MKRN2: variants seen among roughly 807,000 people sequenced by gnomAD.
MKRN2 encodes the protein E3 ubiquitin-protein ligase makorin-2.
In MKRN2, 32 loss-of-function variants were observed where a neutral mutation model predicts 45.4. The ratio of observed to expected loss-of-function variants is 0.70; its 90% confidence interval spans 0.53 to 0.95. MKRN2 has a LOEUF of 0.95. Among genes scored for constraint, MKRN2 ranks in the 40% least tolerant of loss-of-function variants. The pLI is 0.00. For synonymous variants in MKRN2, 206 were observed against 192.4 expected, an observed-to-expected ratio of 1.07 and a Z score of -0.59; for missense variants, 526 against 536.7, an observed-to-expected ratio of 0.98 and a Z score of 0.20.
chr3:12,572,788 T>A (rs931775007), intron 4 of MKRN2, among the ~76,000 whole-genome samples: 6 of 152,118 alleles, frequency 3.9e-5, no homozygotes, highest in Admixed American at 3.9e-4. Context: ...TTTCACCACG[T>A]TGGCCAGGCT....
chr3:12,581,926 C>A lies in MKRN2; in HGVS notation c.1087C>A (p.Gln363Lys), dbSNP rs2058182662. ...AGCAGAGCCTGAGAAACCTCGGAAA[C>A]AGCTCAGTTCTCAAGGCACTGTGAG... The part of the protein sequence containing the change: ...RLAEPEKPRK[Q>K]LSSQGTVRFF... Residue 363 changes from glutamine (Q) to lysine (K), a missense_variant, in exon 7 of 8, where the codon CAG becomes AAG. By Grantham distance (53) the Gln-to-Lys change is moderately conservative. Transcript: ENST00000170447. 6.2e-7 allele frequency: 1 copy of A among 1,614,058 alleles called. No individual in the cohort carries two copies. Among genetic ancestry groups the A allele is most frequent in the Admixed American group, 1.7e-5 (1 of 60,010 alleles).
chr3:12,575,539 G>A (rs765544056), intron 5 of MKRN2, among the ~76,000 whole-genome samples: 3 of 152,112 alleles, frequency 2.0e-5, no homozygotes, highest in Non-Finnish European at 4.4e-5. Context: ...TACTGCACGC[G>A]TTCTACTGTT....
chr3:12,557,235 G>A, intron 1 of MKRN2, 59 bp downstream of exon 1: 1 of 1,515,032 alleles, frequency 6.6e-7, no homozygotes, highest in South Asian at 1.2e-5. Flanking sequence ...GGGGGCCGGT[G>A]CGCGCCAGTG....
At chr3:12,579,428 A>G (rs1273455197) in intron 6 of MKRN2, among the ~76,000 whole-genome samples, 1 of 152,138 alleles carries the variant, frequency 6.6e-6, no homozygotes, top group Non-Finnish European at 1.5e-5. Context: ...CAGCTTCCCA[A>G]AGTGCTAGGA....
chr3:12,562,588 T>C (rs546625743), intron 1 of MKRN2, among the ~76,000 whole-genome samples: 18 of 152,254 alleles, frequency 1.2e-4, no homozygotes, highest in Admixed American at 2.6e-4. Context: ...GTCTATGGCC[T>C]TTTAGGAACC....
Position 12,574,810 on chromosome 3 carries a change from G to T in MKRN2, c.661G>T (p.Glu221Ter). The T allele has an allele frequency of 1.2e-6, 2 of 1,613,550 alleles. No individual in the cohort carries two copies. The highest frequency in any genetic ancestry group is 1.7e-6 in the Non-Finnish European group (2 of 1,179,904). Residue 221 changes from glutamate (E) to a stop codon, truncating the protein, a stop_gained, in exon 5 of 8, where the codon GAA becomes TAA. Transcript: ENST00000170447. LOFTEE classifies it high-confidence loss of function. ...AHEKICMLTF[E>*]HEMEKAFAFQ... ...GCTTCAGATCTGCATGTTGACGTTC[G>T]AACACGAGATGGAAAAGGCCTTTGC...
chr3:12,575,446 C>G (rs769658354), intron 5 of MKRN2, among the ~76,000 whole-genome samples: 5 of 152,172 alleles, frequency 3.3e-5, no homozygotes, highest in Non-Finnish European at 5.9e-5. Flanking sequence ...TGATGCCTGG[C>G]ACATGGGATG....
chr3:12,581,240 G>A (rs938824996), intron 6 of MKRN2, among the ~76,000 whole-genome samples: 9 of 152,192 alleles, frequency 5.9e-5, no homozygotes, highest in Non-Finnish European at 1.2e-4. Context: ...GGGGTCCAAA[G>A]CACATAAGGC....
At chr3:12,578,688 T>G (rs183232983) in intron 6 of MKRN2, among the ~76,000 whole-genome samples, 6 of 152,272 alleles carry the variant, frequency 3.9e-5, no homozygotes, top group African/African-American at 1.4e-4. Flanking sequence ...AGAATCTAAC[T>G]GCGTTTGTTC....
chr3:12,562,049 C>T (rs181167418), intron 1 of MKRN2, among the ~76,000 whole-genome samples: 87 of 152,182 alleles, frequency 5.7e-4, no homozygotes, highest in Non-Finnish European at 9.7e-4. Flanking sequence ...CATGGGGGGT[C>T]TGGAGGAGCC....
In MKRN2 at chr3:12,576,187, A is replaced by ATGTG. The variant is rs1296884589; in HGVS notation, c.858-443_858-442insGTGT. On this transcript the variant is annotated intron_variant, in intron 5 of 7. Coordinates refer to ENST00000170447, the MANE Select transcript of MKRN2 (RefSeq NM_014160.5). ...CTGTCTTTTTTGTTGAGGAAACCAT[A>ATGTG]TATGTGTGTGTGTGTGTGTGTGTGT... 5.4e-3 allele frequency among the ~76,000 whole-genome samples: 699 copies of ATGTG among 128,820 alleles called. 6 individuals carry two copies. The highest frequency in any genetic ancestry group is 0.023 in the African/African-American group (659 of 28,100). The allele number at this position is 128,820 out of a possible 152,430, so 84.5% of individuals were successfully genotyped here. A position where few individuals can be genotyped will look rare whatever the true frequency, so the allele number is the denominator to read the frequency against.
intron 6 of MKRN2, among the ~76,000 whole-genome samples, chr3:12,580,187 AAG>A (rs1470796548): frequency 6.6e-6 from 1 of 152,186 alleles, no homozygotes; most frequent in Non-Finnish European, 1.5e-5. Context: ...GGGGAGGAAA[AAG>A]AGTAATATTC....
At chr3:12,560,311 G>C (rs2058025492) in intron 1 of MKRN2, among the ~76,000 whole-genome samples, 2 of 152,172 alleles carry the variant, frequency 1.3e-5, no homozygotes, top group Middle Eastern at 3.4e-3. Context: ...TCTGACTTCA[G>C]TGTCTTCACC....
intron 5 of MKRN2, among the ~76,000 whole-genome samples, chr3:12,575,349 T>C (rs2058125991): frequency 1.3e-5 from 2 of 152,208 alleles, no homozygotes; most frequent in South Asian, 4.1e-4. Flanking sequence ...CTGTTAATCA[T>C]TTTGAGCTTC....
intron 1 of MKRN2, among the ~76,000 whole-genome samples, chr3:12,564,657 A>G (rs2058059695): frequency 6.6e-6 from 1 of 152,160 alleles, no homozygotes; most frequent in Non-Finnish European, 1.5e-5. Flanking sequence ...TACCTGTTTG[A>G]AGTGTACAGT....
chr3:12,578,203 TG>T (rs1365578569), intron 6 of MKRN2, among the ~76,000 whole-genome samples: 1 of 152,196 alleles, frequency 6.6e-6, no homozygotes, highest in African/African-American at 2.4e-5. Context: ...GTGATTTCCT[TG>T]AACTCTTGTC....
At chr3:12,578,376 A>C (rs905300519) in intron 6 of MKRN2, among the ~76,000 whole-genome samples, 2 of 130,602 alleles carry the variant, frequency 1.5e-5, no homozygotes, top group South Asian at 4.6e-4. Context: ...GCTGGAGTGC[A>C]GTGGCACAGT....
chr3:12,582,024 GA>G, intron 7 of MKRN2, 72 bp downstream of exon 7: 1 of 1,608,788 alleles, frequency 6.2e-7, no homozygotes, highest in Non-Finnish European at 8.5e-7. Context: ...GTTCCTGGCA[GA>G]GAAATGGGGT....
Position 12,570,579 on chromosome 3 carries a change from CA to C in MKRN2, c.337+330del, listed in dbSNP as rs534082118. ...GTGAGAAGCATCAAGCTCTTCATTT[CA>C]AACGTAAATATTTTGTCTGGGTAAA... On this transcript the variant is annotated intron_variant, in intron 3 of 7. Coordinates refer to ENST00000170447, the MANE Select transcript of MKRN2 (RefSeq NM_014160.5). Among the ~76,000 whole-genome samples, 799 of 152,178 alleles carry C rather than the reference CA, an allele frequency of 5.3e-3. 4 individuals carry two copies. The highest frequency in any genetic ancestry group is 7.6e-3 in the Non-Finnish European group (518 of 67,988).
Sources: gnomAD v4.1 joint callset for allele counts (sites outside exome capture counted in the v4.1 genomes callset) on GRCh38, gnomAD v4.1.1 for gene constraint, MANE v1.5 for transcripts, NCBI Gene and HGNC (gene_info 2026-07-23, HGNC 2026-07-21) for gene names.